Variants in ABI2 observed in about 807,000 individuals in gnomAD.
ABI2 encodes the protein abelson interactor 2.
A neutral mutation model predicts 59.2 loss-of-function variants in ABI2; 25 were observed. That is an observed-to-expected ratio of 0.42 (90% CI 0.31 to 0.59). The LOEUF (loss-of-function observed/expected upper bound fraction) is 0.59. Ranked by LOEUF, ABI2 falls within the 20% of genes least tolerant of loss-of-function variation. The pLI is 0.14. For missense variants in ABI2, 545 were observed against 681.8 expected (o/e 0.80, Z 2.23); for synonymous variants, 213 against 235.5 (o/e 0.90, Z 0.87).
At chr2:203,422,117 G>A (rs1326950356) in intron 11 of ABI2, among the ~76,000 whole-genome samples, 1 of 152,006 alleles carries the variant, frequency 6.6e-6, no homozygotes, top group Non-Finnish European at 1.5e-5. Flanking sequence ...GCAACATGGC[G>A]ATACCCTCGT....
chr2:203,336,150 T>C (rs1342202929), intron 1 of ABI2, among the ~76,000 whole-genome samples: 1 of 152,236 alleles, frequency 6.6e-6, no homozygotes, highest in African/African-American at 2.4e-5. Flanking sequence ...TTCTTATTAC[T>C]GAGTAATATT....
At position 203,429,188 on chromosome 2, in the gene ABI2, C is replaced by T. The variant is rs1178059935; in HGVS notation, c.*1836C>T. The T allele has an allele frequency of 6.6e-6, 1 of 152,174 alleles. No homozygotes were observed. Among genetic ancestry groups the T allele is most frequent in the Non-Finnish European group, 1.5e-5 (1 of 68,026 alleles). The allele number at this position is 152,174 out of a possible 1,614,324, so 9.4% of individuals were successfully genotyped here. A position where few individuals can be genotyped will look rare whatever the true frequency, so the allele number is the denominator to read the frequency against. Reference sequence around the variant, plus strand: ...TTTATTAGCTTTCATTAACTTGCCTCCAGTATACATTCCACTTCGTGCTTT... The same window carrying T: ...TTTATTAGCTTTCATTAACTTGCCTTCAGTATACATTCCACTTCGTGCTTT... On this transcript the variant is annotated 3_prime_UTR_variant, in exon 12 of 12. Transcript: ENST00000261018.
chr2:203,382,232 C>T, intron 4 of ABI2, 26 bp downstream of exon 4: 1 of 1,522,340 alleles, frequency 6.6e-7, no homozygotes, highest in Non-Finnish European at 8.8e-7. Flanking sequence ...GCTGGATTTC[C>T]ATTCTTTGTT....
chr2:203,404,201 A>G (rs1323530640), intron 9 of ABI2, among the ~76,000 whole-genome samples: 3 of 152,214 alleles, frequency 2.0e-5, no homozygotes, highest in Non-Finnish European at 4.4e-5. Flanking sequence ...AGTCTTTTAT[A>G]CAGTTACATC....
intron 11 of ABI2, among the ~76,000 whole-genome samples, chr2:203,418,803 G>A (rs2098035075): frequency 6.6e-6 from 1 of 152,142 alleles, no homozygotes; most frequent in African/African-American, 2.4e-5. Flanking sequence ...TTTAGAAGTT[G>A]TCTCCCACAA....
intron 1 of ABI2, among the ~76,000 whole-genome samples, chr2:203,358,436 C>T (rs1166075119): frequency 6.6e-6 from 1 of 152,084 alleles, no homozygotes; most frequent in Non-Finnish European, 1.5e-5. Context: ...GTGTGAGCCA[C>T]CACAGCCAGC....
chr2:203,397,051 G>C, intron 8 of ABI2, 84 bp downstream of exon 8: 2 of 1,284,264 alleles, frequency 1.6e-6, no homozygotes, highest in Non-Finnish European at 2.0e-6. Flanking sequence ...GTTTGTTTTT[G>C]GTTTTGTTGT....
rs570689928 is a variant in ABI2 at position 203,429,124 on chromosome 2, A to G, written c.*1772A>G. 6.6e-6 allele frequency: 1 copy of G among 152,352 alleles called. No individual in the cohort carries two copies. The highest frequency in any genetic ancestry group is 1.5e-5 in the Non-Finnish European group (1 of 68,030). 9.4% of individuals were successfully genotyped at this position (152,352 alleles called of 1,614,324 possible). ...TGTTTTTAATGCATTGCAAGTTACA[A>G]TAGCTATTTTGCTTTTAGATTTTTC... On this transcript the variant is annotated 3_prime_UTR_variant, in exon 12 of 12. Transcript: ENST00000261018.
intron 9 of ABI2, among the ~76,000 whole-genome samples, chr2:203,403,008 A>G (rs559278344): frequency 6.6e-6 from 1 of 152,244 alleles, no homozygotes; most frequent in Non-Finnish European, 1.5e-5. Context: ...TTAAAATAAC[A>G]TTGTGGTGAA....
intron 11 of ABI2, among the ~76,000 whole-genome samples, chr2:203,421,051 G>A (rs13416670): frequency 0.21 from 31,118 of 151,758 alleles, 3,650 homozygotes; most frequent in Non-Finnish European, 0.26. Context: ...ATGACAATGC[G>A]AAGGTGTTGG....
chr2:203,413,351 A>G (rs1466953194), intron 10 of ABI2, among the ~76,000 whole-genome samples: 2 of 152,228 alleles, frequency 1.3e-5, no homozygotes, highest in African/African-American at 4.8e-5. Flanking sequence ...AGCTTTGTAG[A>G]AACAGCAAAA....
intron 10 of ABI2, among the ~76,000 whole-genome samples, chr2:203,413,321 A>C (rs1376634526): frequency 6.6e-6 from 1 of 152,244 alleles, no homozygotes; most frequent in African/African-American, 2.4e-5. Flanking sequence ...GGTTTTCGCC[A>C]GTCACCAGTG....
chr2:203,393,440 A>G (rs1416897708), intron 5 of ABI2, among the ~76,000 whole-genome samples: 1 of 152,238 alleles, frequency 6.6e-6, no homozygotes, highest in Non-Finnish European at 1.5e-5. Flanking sequence ...ATTGTTTAAT[A>G]TTTGCATTAT....
At chr2:203,330,236 C>T (rs1422001803) in intron 1 of ABI2, among the ~76,000 whole-genome samples, 1 of 151,806 alleles carries the variant, frequency 6.6e-6, no homozygotes, top group Non-Finnish European at 1.5e-5. Context: ...CCTGTTCCTT[C>T]GAAAGAGGCA....
At position 203,429,252 on chromosome 2, in the gene ABI2, T is replaced by G. The variant is rs1158015608; in HGVS notation, c.*1900T>G. The G allele has an allele frequency of 6.6e-6, 1 of 152,256 alleles. No homozygotes were observed. Among genetic ancestry groups the G allele is most frequent in the Non-Finnish European group, 1.5e-5 (1 of 68,050 alleles). 9.4% of individuals were successfully genotyped at this position (152,256 alleles called of 1,614,324 possible). ...CTACATCCCTTATTCCTTGTTTTCCTGCAGTGTAATGGCCCTGAATGTCCT... is the reference window on the plus strand; with the variant it reads ...CTACATCCCTTATTCCTTGTTTTCCGGCAGTGTAATGGCCCTGAATGTCCT... On this transcript the variant is annotated 3_prime_UTR_variant, in exon 12 of 12. Transcript: ENST00000261018.
At chr2:203,339,222 A>C (rs1371134813) in intron 1 of ABI2, among the ~76,000 whole-genome samples, 6 of 151,452 alleles carry the variant, frequency 4.0e-5, no homozygotes, top group Middle Eastern at 6.8e-3. Context: ...AAGTGTTGGC[A>C]AGCAGGTGGA....
Position 203,396,890 on chromosome 2 carries a change from C to T in ABI2, c.956C>T (p.Ala319Val). 6.5e-7 allele frequency: 1 copy of T among 1,534,194 alleles called. No individual in the cohort carries two copies. Residue 319 changes from alanine to valine, a missense_variant, in exon 8 of 12, where the codon GCT (alanine) becomes GTT (valine). Around this residue, in one of 4 missense-constraint regions of ABI2, gnomAD observed 410 missense variants for 435.6 expected, o/e 0.94. Coordinates refer to ENST00000261018, the MANE Select transcript of ABI2 (RefSeq NM_001375670.1). ...TVPSSTAPDA[A>V]AGGAQTLADG... ...CCTTCCTCCACTGCCCCAGACGCTGCTGCTGGGGGTGCCCAGACCCTTGCT... is the reference window on the plus strand; with the variant it reads ...CCTTCCTCCACTGCCCCAGACGCTGTTGCTGGGGGTGCCCAGACCCTTGCT...
intron 4 of ABI2, among the ~76,000 whole-genome samples, chr2:203,384,605 T>A (rs2153229639): frequency 6.6e-6 from 1 of 151,126 alleles, no homozygotes; most frequent in Admixed American, 6.6e-5. Context: ...CCACCGTGCC[T>A]GGCCAGTACT....
At chr2:203,337,483 A>G (rs2076993351) in intron 1 of ABI2, among the ~76,000 whole-genome samples, 1 of 152,248 alleles carries the variant, frequency 6.6e-6, no homozygotes, top group African/African-American at 2.4e-5. Context: ...TATGAAAGTA[A>G]TTGAAGAACA....
Sources: allele counts gnomAD v4.1 joint callset (sites outside exome capture counted in the v4.1 genomes callset), GRCh38; gene constraint gnomAD v4.1.1; regional missense constraint gnomAD v4.1.1; transcripts MANE v1.5; gene names NCBI Gene and HGNC (gene_info 2026-07-23, HGNC 2026-07-21).